Variants in GRIP2 observed in about 807,000 individuals in gnomAD.
GRIP2 encodes glutamate receptor interacting protein 2.
GRIP2 carries 58 observed loss-of-function variants against 108.3 expected under a neutral mutation model. The ratio of observed to expected loss-of-function variants is 0.54; its 90% CI spans 0.43 to 0.67. GRIP2 has a LOEUF of 0.67. Ranked by LOEUF, GRIP2 falls within the 30% of genes least tolerant of loss-of-function variation. The pLI is 0.00. For synonymous variants in GRIP2, 586 were observed against 598.2 expected, an observed-to-expected ratio of 0.98 and a Z score of 0.30; for missense variants, 1,278 against 1,430.6, an observed-to-expected ratio of 0.89 and a Z score of 1.72.
chr3:14,508,641 C>T (rs943889630), intron 17 of GRIP2, among the ~76,000 whole-genome samples: 1 of 152,036 alleles, frequency 6.6e-6, no homozygotes, highest in Non-Finnish European at 1.5e-5. Context: ...GCTGTAGTGT[C>T]CAATATGGCA....
Position 14,503,665 on chromosome 3 carries a change from G to T in GRIP2, c.2580C>A (p.Ala860=). The change falls in exon 21 of 24, where the codon GCC becomes GCA. Residue 860 remains alanine (A), a synonymous_variant. Transcript: ENST00000621039. The part of the protein sequence containing the change: ...EDDWEPPTSP[A]PGPAREEGFW... Reference sequence around the variant, plus strand: ...AGCCCTCCTCTCGGGCAGGGCCAGGGGCTGGGCTGTAACGTAGGAACCAGA... The same window carrying T: ...AGCCCTCCTCTCGGGCAGGGCCAGGTGCTGGGCTGTAACGTAGGAACCAGA... 6.2e-7 allele frequency: 1 copy of T among 1,605,038 alleles called. No individual in the cohort carries two copies. The highest frequency in any genetic ancestry group is 2.2e-5 in the East Asian group (1 of 44,590).
rs1214536086 is a variant in GRIP2 at position 14,521,854 on chromosome 3, C to T, written c.567-67G>A. On this transcript the variant is annotated intron_variant, in intron 6 of 23. Transcript: ENST00000621039. The surrounding 1 kb of genome is among the most constrained non-coding windows in gnomAD (Gnocchi z 5.1). ...ACTGGGCACAGCCTGTCTGGGAGGGCGCTGGGAAGCGGGACATGGAGGATG... is the reference window on the plus strand; with the variant it reads ...ACTGGGCACAGCCTGTCTGGGAGGGTGCTGGGAAGCGGGACATGGAGGATG... The T allele has an allele frequency of 1.3e-5, 18 of 1,385,100 alleles. No individual in the cohort carries two copies. The highest frequency in any genetic ancestry group is 2.9e-5 in the African/African-American group (2 of 67,988). 85.8% of individuals were successfully genotyped at this position (1,385,100 alleles called of 1,614,324 possible).
At chr3:14,572,907 C>T in the GRIP2 span, 12 of 1,276,996 alleles carry the variant, frequency 9.4e-6, no homozygotes, top group Non-Finnish European at 1.4e-5. Flanking sequence ...GAAGGGGATG[C>T]AGGTGAGGAA....
chr3:14,521,591 C>T lies in GRIP2; in HGVS notation c.712+51G>A. ...ATCCATGGCCACTGCCACCTCCCCC[C>T]ATCCCAGGCCTCCTCCTGCCCCAAC... On this transcript the variant is annotated intron_variant, in intron 7 of 23. Transcript: ENST00000621039. This position sits in a 1 kb window ranked among gnomAD's most constrained non-coding sequence, Gnocchi z 5.1. 22 of 1,535,094 alleles carry T rather than the reference C, an allele frequency of 1.4e-5. No homozygotes were observed. Among genetic ancestry groups the T allele is most frequent in the Non-Finnish European group, 1.9e-5 (22 of 1,136,612 alleles).
rs924599422 is a variant in GRIP2, at chr3:14,507,118, G to T, written c.2219-138C>A. The T allele has an allele frequency of 1.4e-4, 116 of 826,186 alleles. 5 individuals carry two copies. The highest frequency in any genetic ancestry group is 5.5e-5 in the Non-Finnish European group (29 of 530,710). The allele number at this position is 826,186 out of a possible 1,614,324, so 51.2% of individuals were successfully genotyped here. A position where few individuals can be genotyped will look rare whatever the true frequency, so the allele number is the denominator to read the frequency against. ...ACATATGACCATGGCACACTAATAA[G>T]CAAACCTGTTTCACAGATGGGAAAA... On this transcript the variant is annotated intron_variant, in intron 18 of 23. Transcript: ENST00000621039. The surrounding 1 kb of genome is among the most constrained non-coding windows in gnomAD (Gnocchi z 4.6).
At chr3:14,499,798 T>G (rs1693718359) in intron 21 of GRIP2, among the ~76,000 whole-genome samples, 1 of 152,020 alleles carries the variant, frequency 6.6e-6, no homozygotes, top group African/African-American at 2.4e-5. Context: ...TACAGGGGTG[T>G]CCAAACTATT....
At chr3:14,541,765 G>C (rs1347720711), upstream of GRIP2, 1 of 703,168 alleles carries the variant, frequency 1.4e-6, no homozygotes, top group African/African-American at 1.8e-5. Flanking sequence ...TGATGCCAAG[G>C]TCTCAGCCAC....
At chr3:14,574,216 T>C in the GRIP2 span, 3 of 865,228 alleles carry the variant, frequency 3.5e-6, no homozygotes, top group East Asian at 7.4e-5. Context: ...GGCCTGTGGC[T>C]GTCCATGTCC....
At chr3:14,548,637 C>G (rs552465659) in intron 1 of GRIP2, among the ~76,000 whole-genome samples, 1 of 152,228 alleles carries the variant, frequency 6.6e-6, no homozygotes, top group South Asian at 2.1e-4. Flanking sequence ...CAAACGCAAA[C>G]GCCTTAGAGA....
chr3:14,495,383 A>G (rs954675277), intron 22 of GRIP2, among the ~76,000 whole-genome samples: 1 of 151,732 alleles, frequency 6.6e-6, no homozygotes. Flanking sequence ...CCTCCTCCAT[A>G]TCTTTTTTGT....
At position 14,540,255 on chromosome 3, in the gene GRIP2, C is replaced by A; in HGVS notation, c.40+14G>T. On this transcript the variant is annotated intron_variant, in intron 1 of 23. Transcript: ENST00000621039. The surrounding 1 kb of genome is among the most constrained non-coding windows in gnomAD (Gnocchi z 4.1). ...CAGCCCCATCACTCTGCCCACAGAC[C>A]CCCCATTACGTACCCGCCTCTCCAG... 1 of 1,613,200 alleles carries A rather than the reference C, an allele frequency of 6.2e-7. No homozygotes were observed. The highest frequency in any genetic ancestry group is 8.5e-7 in the Non-Finnish European group (1 of 1,179,454).
upstream of GRIP2, among the ~76,000 whole-genome samples, chr3:14,541,280 G>C (rs1289958097): frequency 6.6e-6 from 1 of 152,210 alleles, no homozygotes; most frequent in Non-Finnish European, 1.5e-5. Flanking sequence ...AAGAAGGGTG[G>C]GGTGATGGTG....
At chr3:14,585,040 T>C in the GRIP2 span, among the ~76,000 whole-genome samples, 1 of 152,224 alleles carries the variant, frequency 6.6e-6, no homozygotes, top group Non-Finnish European at 1.5e-5. Context: ...GTTGTGGTTT[T>C]TTGAGATGGA....
chr3:14,600,323 AGGAT>A, the GRIP2 span, among the ~76,000 whole-genome samples: 4 of 152,200 alleles, frequency 2.6e-5, no homozygotes, highest in African/African-American at 9.7e-5. Flanking sequence ...TTCCTGTGCT[AGGAT>A]ATGTTAGCAT....
At chr3:14,528,075 A>G (rs1452467518) in intron 1 of GRIP2, among the ~76,000 whole-genome samples, 1 of 152,136 alleles carries the variant, frequency 6.6e-6, no homozygotes, top group Non-Finnish European at 1.5e-5. Flanking sequence ...TCCCTGCCCC[A>G]ACCTCTGTTC....
chr3:14,501,177 A>C (rs1186575619), intron 21 of GRIP2, among the ~76,000 whole-genome samples: 1 of 152,200 alleles, frequency 6.6e-6, no homozygotes, highest in Non-Finnish European at 1.5e-5. Flanking sequence ...CCATAGAGAC[A>C]GAGTAGATAG....
At chr3:14,508,768 A>C (rs1045269257) in intron 17 of GRIP2, among the ~76,000 whole-genome samples, 6 of 152,100 alleles carry the variant, frequency 3.9e-5, no homozygotes, top group African/African-American at 1.4e-4. Flanking sequence ...AGAATATAAG[A>C]CATGTTCTTA....
At chr3:14,506,238 A>G (rs1279389994) in intron 19 of GRIP2, among the ~76,000 whole-genome samples, 1 of 152,104 alleles carries the variant, frequency 6.6e-6, no homozygotes, top group Non-Finnish European at 1.5e-5. Context: ...CCCCCTACCC[A>G]GTCCTCTGAG....
intron 21 of GRIP2, among the ~76,000 whole-genome samples, chr3:14,497,900 G>A (rs755190676): frequency 2.4e-4 from 36 of 152,294 alleles, no homozygotes; most frequent in Non-Finnish European, 4.4e-4. Context: ...AGGAGTATGT[G>A]GCCCTGAGGG....
Sources: allele counts gnomAD v4.1 joint callset (sites outside exome capture counted in the v4.1 genomes callset), GRCh38; gene constraint gnomAD v4.1.1; non-coding constraint Gnocchi (gnomAD v3.1); transcripts MANE v1.5; gene names NCBI Gene and HGNC (gene_info 2026-07-23, HGNC 2026-07-21).